CLEC1A: variants seen among roughly 807,000 people sequenced by gnomAD.
CLEC1A encodes the protein C-type lectin domain family 1 member A.
In CLEC1A, 34 loss-of-function variants were observed where a neutral mutation model predicts 28.7. That is an observed-to-expected ratio of 1.18 (90% CI 0.90 to 1.57). The LOEUF (loss-of-function observed/expected upper bound fraction) is 1.57, where lower values mean the gene tolerates loss of function less well. Among genes scored for constraint, CLEC1A ranks in the 40% most tolerant of loss-of-function variants. The pLI, the probability that CLEC1A is intolerant of heterozygous loss-of-function variation, is 0.00. For missense variants in CLEC1A, 385 were observed against 339.5 expected, an observed-to-expected ratio of 1.13 and a Z score of -1.05; for synonymous variants, 116 against 121.0, an observed-to-expected ratio of 0.96 and a Z score of 0.27.
At chr12:10,088,903 C>A (rs1447560575) in intron 2 of CLEC1A, among the ~76,000 whole-genome samples, 2 of 151,860 alleles carry the variant, frequency 1.3e-5, no homozygotes, top group Non-Finnish European at 2.9e-5. Context: ...CAAAACCCTT[C>A]TTATCTCAAA....
At chr12:10,090,470 C>T (rs1402817709) in intron 1 of CLEC1A, among the ~76,000 whole-genome samples, 1 of 152,088 alleles carries the variant, frequency 6.6e-6, no homozygotes, top group Non-Finnish European at 1.5e-5. Context: ...GTTGCCCAGG[C>T]TGCAGGCTGT....
intron 1 of CLEC1A, among the ~76,000 whole-genome samples, 180 bp downstream of exon 1, chr12:10,098,628 G>C (rs566461129): frequency 2.0e-4 from 30 of 146,758 alleles, no homozygotes; most frequent in African/African-American, 7.3e-4. Flanking sequence ...CCTTCTCTAA[G>C]TGTGGGAATT....
intron 1 of CLEC1A, among the ~76,000 whole-genome samples, chr12:10,095,548 A>G (rs7956327): frequency 0.76 from 114,693 of 151,890 alleles, 45,062 homozygotes; most frequent in Non-Finnish European, 0.88. Flanking sequence ...TTCAAAAAAA[A>G]AGAGAGAAAG....
chr12:10,082,576 C>T (rs1337278271), intron 2 of CLEC1A, among the ~76,000 whole-genome samples: 1 of 152,096 alleles, frequency 6.6e-6, no homozygotes, highest in African/African-American at 2.4e-5. Flanking sequence ...TCTCTATGCA[C>T]CCTGGTACCC....
At position 10,097,631 on chromosome 12, in the gene CLEC1A, G is replaced by A. The variant is rs117903943; in HGVS notation, c.115+1177C>T. On this transcript the variant is annotated intron_variant, in intron 1 of 5. Coordinates refer to ENST00000315330, the MANE Select transcript of CLEC1A (RefSeq NM_016511.4). ...CCTCCCTCTCCACCCTTCAACCTCA[G>A]CAGAACTTATTTGTACATGCTGTTC... 9.0e-3 allele frequency among the ~76,000 whole-genome samples: 1,369 copies of A among 152,216 alleles called. 16 individuals are homozygous for A. Among genetic ancestry groups the A allele is most frequent in the Non-Finnish European group, 0.013 (879 of 68,010 alleles).
Position 10,071,369 on chromosome 12 carries a change from G to C in CLEC1A, c.807C>G (p.Leu269=). The change falls in exon 6 of 6, where the codon CTC becomes CTG. Residue 269 remains leucine (L), a synonymous_variant. Coordinates refer to ENST00000315330, the MANE Select transcript of CLEC1A (RefSeq NM_016511.4). ...RRAGMVKPES[L]HVPPETLGEG... ...CGCCTAATGTTTCAGGGGGGACATG[G>C]AGGCTCTCTGGCTTCACCATTCCTG... 6.2e-7 allele frequency: 1 copy of C among 1,613,808 alleles called. No individual in the cohort carries two copies. The highest frequency in any genetic ancestry group is 8.5e-7 in the Non-Finnish European group (1 of 1,179,832).
chr12:10,088,268 A>T (rs1866541477), intron 2 of CLEC1A, among the ~76,000 whole-genome samples: 1 of 152,234 alleles, frequency 6.6e-6, no homozygotes, highest in African/African-American at 2.4e-5. Context: ...GCAAAACAAT[A>T]GTTCTATCAC....
chr12:10,090,698 G>A (rs1866601934), intron 1 of CLEC1A, among the ~76,000 whole-genome samples: 2 of 151,858 alleles, frequency 1.3e-5, no homozygotes, highest in South Asian at 4.2e-4. Context: ...TTAAAGTCTC[G>A]GAGAAGACAT....
chr12:10,076,796 T>C (rs1048001856), intron 3 of CLEC1A, among the ~76,000 whole-genome samples: 5 of 152,236 alleles, frequency 3.3e-5, no homozygotes, highest in African/African-American at 1.2e-4. Context: ...CTATGGTCCC[T>C]GTTGTTGTGA....
Position 10,089,125 on chromosome 12 carries a change from C to T in CLEC1A, c.213G>A (p.Leu71=). 1 of 1,613,388 alleles carries T rather than the reference C, an allele frequency of 6.2e-7. No homozygotes were observed. Among genetic ancestry groups the T allele is most frequent in the Non-Finnish European group, 8.5e-7 (1 of 1,179,350 alleles). The part of the protein sequence containing the change: ...LLIGLAALGL[L]FFQYYQLSNT... ...CCCCAGGTCAGAGCGCAGACTTACA[C>T]AAAAGCCCCAGGGCTGCCAGCCCTA... The change falls in exon 2 of 6, where the codon TTG becomes TTA. Residue 71 remains leucine, a splice_region_variant and synonymous_variant. Transcript: ENST00000315330.
Position 10,089,161 on chromosome 12 carries a change from C to G in CLEC1A, c.177G>C (p.Leu59Phe). 5.6e-6 allele frequency: 9 copies of G among 1,614,048 alleles called. No individual in the cohort carries two copies. Among genetic ancestry groups the G allele is most frequent in the Non-Finnish European group, 7.6e-6 (9 of 1,179,952 alleles). The change falls in exon 2 of 6, where the codon TTG becomes TTC. Residue 59 changes from leucine (L) to phenylalanine (F), a missense_variant. Coordinates refer to ENST00000315330, the MANE Select transcript of CLEC1A (RefSeq NM_016511.4). ...GGGCTGCCAGCCCTATCAGCAGCACCAAGCACAAAGTCAGCAGGGTCAGGG... is the reference window on the plus strand; with the variant it reads ...GGGCTGCCAGCCCTATCAGCAGCACGAAGCACAAAGTCAGCAGGGTCAGGG... ...PVALTLLTLC[L>F]VLLIGLAALG...
rs1181062612 is a variant in CLEC1A at position 10,081,316 on chromosome 12, T to C, written c.312A>G (p.Gln104=). Residue 104 remains glutamine (Q), a synonymous_variant, in exon 3 of 6, where the codon CAA becomes CAG. Transcript: ENST00000315330. ...GNTSQELQSL[Q]VQNIKLAGSL... ...TTCCTGCAAGCTTTATATTCTGGAC[T>C]TGAAGAGATTGCAACTCTTGGGACG... is the stretch of plus-strand genomic sequence containing the variant. 1 of 1,613,614 alleles carries C rather than the reference T, an allele frequency of 6.2e-7. No individual in the cohort carries two copies. Among genetic ancestry groups the C allele is most frequent in the Admixed American group, 1.7e-5 (1 of 59,970 alleles).
At chr12:10,085,391 C>T (rs893090615) in intron 2 of CLEC1A, among the ~76,000 whole-genome samples, 1 of 151,952 alleles carries the variant, frequency 6.6e-6, no homozygotes, top group Non-Finnish European at 1.5e-5. Flanking sequence ...TATCTGCTGT[C>T]TTCAAAAGAC....
rs751089796 is a variant in CLEC1A at position 10,089,164 on chromosome 12, G to A, written c.174C>T (p.Cys58=). 6.2e-7 allele frequency: 1 copy of A among 1,613,954 alleles called. No individual in the cohort carries two copies. The highest frequency in any genetic ancestry group is 1.3e-5 in the African/African-American group (1 of 74,920). The part of the protein sequence containing the change: ...RPVALTLLTL[C]LVLLIGLAAL... ...CTGCCAGCCCTATCAGCAGCACCAA[G>A]CACAAAGTCAGCAGGGTCAGGGCCA... Residue 58 remains cysteine (C), a synonymous_variant, in exon 2 of 6, where the codon TGC becomes TGT. Coordinates refer to ENST00000315330, the MANE Select transcript of CLEC1A (RefSeq NM_016511.4).
At chr12:10,091,654 A>AT (rs1385325093) in intron 1 of CLEC1A, among the ~76,000 whole-genome samples, 2 of 81,442 alleles carry the variant, frequency 2.5e-5, no homozygotes, top group Non-Finnish European at 7.6e-5. Flanking sequence ...TCAGCAGAAC[A>AT]TAAAAAAAAA....
At chr12:10,081,077 T>C (rs1348479898) in intron 3 of CLEC1A, among the ~76,000 whole-genome samples, 160 bp downstream of exon 3, 1 of 152,218 alleles carries the variant, frequency 6.6e-6, no homozygotes. Context: ...CACATATGAA[T>C]CACATGATCC....
At chr12:10,091,821 A>G (rs1947706556) in intron 1 of CLEC1A, among the ~76,000 whole-genome samples, 1 of 151,978 alleles carries the variant, frequency 6.6e-6, no homozygotes, top group Non-Finnish European at 1.5e-5. Flanking sequence ...TGGTGATTTT[A>G]TTTTTCCACA....
In CLEC1A at chr12:10,082,088, GAC is replaced by G. The variant is rs369891640; in HGVS notation, c.215-677_215-676del. On this transcript the variant is annotated intron_variant, in intron 2 of 5. Transcript: ENST00000315330. Reference sequence around the variant, plus strand: ...AGGCAGCCAGTGGAATTAAAGAGGAGACACAGGATGAAAGAAGCTTCCAAATG... The same window carrying G: ...AGGCAGCCAGTGGAATTAAAGAGGAGACAGGATGAAAGAAGCTTCCAAATG... Among the ~76,000 whole-genome samples the G allele has an allele frequency of 4.6e-5, 7 of 152,308 alleles. 1 individual carries two copies. The highest frequency in any genetic ancestry group is 1.4e-4 in the African/African-American group (6 of 41,562).
At chr12:10,097,171 T>A (rs75426759) in intron 1 of CLEC1A, among the ~76,000 whole-genome samples, 2,847 of 152,302 alleles carry the variant, frequency 0.019, 92 homozygotes, top group African/African-American at 0.065. Flanking sequence ...TTGGCATTTT[T>A]AAACACAAAC....
Sources: allele counts gnomAD v4.1 joint callset (sites outside exome capture counted in the v4.1 genomes callset), GRCh38; gene constraint gnomAD v4.1.1; transcripts MANE v1.5; gene names NCBI Gene and HGNC (gene_info 2026-07-23, HGNC 2026-07-21).